The following NAV3 variants were observed in gnomAD, a reference collection of about 807,000 sequenced individuals.
NAV3 encodes pore membrane and/or filament interacting like protein 1.
NAV3 carries 87 observed loss-of-function variants against 244.7 expected under a neutral mutation model. The observed-to-expected ratio is 0.36, with a 90% CI of 0.30 to 0.42. NAV3 has a LOEUF of 0.42. NAV3 is among the 20% of genes least tolerant of loss of function. The pLI is 1.00. For synonymous variants in NAV3, 1,126 were observed against 1,042.2 expected, an observed-to-expected ratio of 1.08 and a Z score of -1.55; for missense variants, 2,663 against 2,893.3, an observed-to-expected ratio of 0.92 and a Z score of 1.83.
At chr12:77,826,363 A>T (rs1285275161), upstream of NAV3, among the ~76,000 whole-genome samples, 2 of 151,916 alleles carry the variant, frequency 1.3e-5, no homozygotes. Flanking sequence ...CAGATGGTGC[A>T]CATCTGTAGT....
chr12:77,760,662 G>A (rs1292032815), intron 2 of NAV3, among the ~76,000 whole-genome samples: 1 of 152,126 alleles, frequency 6.6e-6, no homozygotes, highest in Non-Finnish European at 1.5e-5. Flanking sequence ...AGTCATATGA[G>A]GCTTCGTATG....
chr12:77,928,857 T>C (rs1257686682), intron 1 of NAV3, among the ~76,000 whole-genome samples: 5 of 152,238 alleles, frequency 3.3e-5, no homozygotes, highest in Admixed American at 6.5e-5. Flanking sequence ...AAAATATTAA[T>C]GTAATTTCAG....
At chr12:77,930,288 TC>T (rs1888652328) in intron 1 of NAV3, among the ~76,000 whole-genome samples, 1 of 152,150 alleles carries the variant, frequency 6.6e-6, no homozygotes, top group Non-Finnish European at 1.5e-5. Flanking sequence ...TTTTCATTGT[TC>T]CCATGTAAAT....
chr12:78,101,726 A>T (rs184578374), intron 12 of NAV3, among the ~76,000 whole-genome samples: 139 of 152,252 alleles, frequency 9.1e-4, no homozygotes, highest in African/African-American at 3.2e-3. Context: ...CAAACTTGAC[A>T]GGTAATGCAC....
intron 2 of NAV3, among the ~76,000 whole-genome samples, chr12:77,808,146 T>A (rs1400640490): frequency 5.9e-5 from 9 of 152,094 alleles, no homozygotes; most frequent in Non-Finnish European, 1.2e-4. Context: ...GAGGAGTTTG[T>A]TATTACCCAC....
Position 78,198,602 on chromosome 12 carries a change from T to C in NAV3, c.6447-3T>C. On this transcript the variant is annotated splice_region_variant and splice_polypyrimidine_tract_variant and intron_variant, in intron 35 of 39. Coordinates refer to ENST00000397909, the MANE Select transcript of NAV3 (RefSeq NM_001024383.2). Reference sequence around the variant, plus strand: ...TTAAAATTTTCTATTTATTTTTTTCTAGTCCATATATTATTGGAACAATGA... The same window carrying C: ...TTAAAATTTTCTATTTATTTTTTTCCAGTCCATATATTATTGGAACAATGA... 1 of 1,557,364 alleles carries C rather than the reference T, an allele frequency of 6.4e-7. No homozygotes were observed. Among genetic ancestry groups the C allele is most frequent in the Non-Finnish European group, 8.7e-7 (1 of 1,144,484 alleles).
intron 12 of NAV3, among the ~76,000 whole-genome samples, chr12:78,083,656 C>A (rs1363715948): frequency 3.3e-5 from 5 of 152,170 alleles, no homozygotes; most frequent in Non-Finnish European, 5.9e-5. Context: ...CACTGTCACA[C>A]CCTGGAACTT....
intron 16 of NAV3, among the ~76,000 whole-genome samples, chr12:78,123,910 C>A (rs1003834495): frequency 6.6e-6 from 1 of 152,278 alleles, no homozygotes; most frequent in Admixed American, 6.5e-5. Context: ...GGTAAATGGG[C>A]ATCTTCACAT....
intron 2 of NAV3, among the ~76,000 whole-genome samples, chr12:77,754,466 C>T (rs111278418): frequency 1.3e-5 from 2 of 152,294 alleles, no homozygotes; most frequent in African/African-American, 4.8e-5. Context: ...TCCTGAAGGA[C>T]TGCTTTACTT....
chr12:77,941,320 T>C lies in NAV3; in HGVS notation c.414+187T>C, dbSNP rs150997030. Among the ~76,000 whole-genome samples the C allele has an allele frequency of 2.8e-3, 432 of 152,316 alleles. 1 individual carries two copies. The highest frequency in any genetic ancestry group is 7.4e-3 in the South Asian group (36 of 4,834). On this transcript the variant is annotated intron_variant, in intron 3 of 39. Coordinates refer to ENST00000397909, the MANE Select transcript of NAV3 (RefSeq NM_001024383.2). ...TCAACATCATTAAGTGACTCCTATA[T>C]ACACATGACATATTTCCAGATGTCT...
chr12:78,103,230 C>G (rs1954627692), intron 12 of NAV3, among the ~76,000 whole-genome samples: 2 of 152,204 alleles, frequency 1.3e-5, no homozygotes, highest in Non-Finnish European at 2.9e-5. Flanking sequence ...TCATCTCTCT[C>G]AAGTTCAGAG....
intron 1 of NAV3, among the ~76,000 whole-genome samples, chr12:77,886,014 C>A (rs1883241305): frequency 6.6e-6 from 1 of 152,054 alleles, no homozygotes; most frequent in Non-Finnish European, 1.5e-5. Context: ...CCTTGTCTAC[C>A]TCTATTACCA....
At chr12:77,881,273 G>A (rs745359209) in intron 1 of NAV3, among the ~76,000 whole-genome samples, 2 of 152,118 alleles carry the variant, frequency 1.3e-5, no homozygotes, top group East Asian at 1.9e-4. Flanking sequence ...AGATTGGTCT[G>A]TCTCTCTAGC....
At chr12:77,657,418 A>G (rs1430914786) in intron 2 of NAV3, among the ~76,000 whole-genome samples, 2 of 152,230 alleles carry the variant, frequency 1.3e-5, no homozygotes, top group African/African-American at 4.8e-5. Flanking sequence ...AAGAAGTTGA[A>G]TCTCTGAATA....
At chr12:78,064,414 T>C (rs1202830050) in intron 12 of NAV3, among the ~76,000 whole-genome samples, 2 of 140,036 alleles carry the variant, frequency 1.4e-5, no homozygotes, top group African/African-American at 5.4e-5. Context: ...TGTCTGTCTG[T>C]CTGTCTGTCT....
intron 2 of NAV3, among the ~76,000 whole-genome samples, chr12:77,682,850 A>G (rs562701440): frequency 2.0e-4 from 31 of 152,006 alleles, no homozygotes; most frequent in African/African-American, 7.5e-4. Context: ...TTTTAATTGT[A>G]TTATTTGTTT....
chr12:77,792,937 G>C (rs1338128565), intron 2 of NAV3, among the ~76,000 whole-genome samples: 1 of 152,148 alleles, frequency 6.6e-6, no homozygotes, highest in Non-Finnish European at 1.5e-5. Context: ...GGCCCTTCAA[G>C]TGTGCTGGGT....
chr12:78,080,212 T>C (rs531011220), intron 12 of NAV3, among the ~76,000 whole-genome samples: 2 of 152,308 alleles, frequency 1.3e-5, no homozygotes, highest in East Asian at 1.9e-4. Flanking sequence ...TGTGGTCTGA[T>C]TGAGACACAA....
At chr12:77,903,130 T>C (rs1270976036) in intron 1 of NAV3, among the ~76,000 whole-genome samples, 2 of 152,018 alleles carry the variant, frequency 1.3e-5, no homozygotes, top group African/African-American at 2.4e-5. Flanking sequence ...CTTCACAGAA[T>C]TGGAAAAAAC....
Sources: allele counts gnomAD v4.1 joint callset (sites outside exome capture counted in the v4.1 genomes callset), GRCh38; gene constraint gnomAD v4.1.1; transcripts MANE v1.5; gene names NCBI Gene and HGNC (gene_info 2026-07-23, HGNC 2026-07-21).